SLC9A2: variants seen among roughly 807,000 people sequenced by gnomAD.
SLC9A2 encodes the protein sodium/hydrogen exchanger 2.
SLC9A2 carries 42 observed loss-of-function variants against 71.7 expected under a neutral mutation model. The observed-to-expected ratio is 0.59, with a 90% CI of 0.46 to 0.76. SLC9A2 has a LOEUF of 0.76. Ranked by LOEUF, SLC9A2 falls within the 30% of genes least tolerant of loss-of-function variation. The pLI is 0.00. For missense variants in SLC9A2, 829 were observed against 1,017.4 expected (o/e 0.81, Z 2.52); for synonymous variants, 396 against 392.5 (o/e 1.01, Z -0.10).
rs1677714631 is a variant in SLC9A2 at position 102,694,424 on chromosome 2, T to G, written c.1436T>G (p.Ile479Ser). The change falls in exon 6 of 12, where the codon ATT becomes AGT. Residue 479 changes from isoleucine (I) to serine (S), a missense_variant. Around this residue, in one of 3 missense-constraint regions of SLC9A2, gnomAD observed 500 missense variants for 726.3 expected, o/e 0.69. Coordinates refer to ENST00000233969, the MANE Select transcript of SLC9A2 (RefSeq NM_003048.6). ...GTGTTTCCTGTTCAGGGAATAACTA[T>G]TCGACCACTGGTGGAGTTTCTTGAT... is the stretch of plus-strand genomic sequence containing the variant. ...FFTVFILGIT[I>S]RPLVEFLDVK... The G allele has an allele frequency of 6.7e-7, 1 of 1,491,450 alleles. No individual in the cohort carries two copies. Among genetic ancestry groups the G allele is most frequent in the South Asian group, 1.4e-5 (1 of 69,502 alleles). The allele number at this position is 1,491,450 out of a possible 1,614,324, so 92.4% of individuals were successfully genotyped here.
intron 7 of SLC9A2, among the ~76,000 whole-genome samples, chr2:102,699,891 C>A (rs1337806344): frequency 6.6e-6 from 1 of 152,064 alleles, no homozygotes; most frequent in Non-Finnish European, 1.5e-5. Context: ...GTTTTGGAAT[C>A]CAAACCTCTT....
At chr2:102,675,366 G>T (rs1197105445) in intron 3 of SLC9A2, among the ~76,000 whole-genome samples, 1 of 152,178 alleles carries the variant, frequency 6.6e-6, no homozygotes, top group Non-Finnish European at 1.5e-5. Context: ...GCAGGTGGGA[G>T]CCTTTGGAAT....
intron 11 of SLC9A2, among the ~76,000 whole-genome samples, chr2:102,707,464 G>C (rs1678004079): frequency 6.6e-6 from 1 of 152,098 alleles, no homozygotes; most frequent in Non-Finnish European, 1.5e-5. Flanking sequence ...CATGTTCTCA[G>C]TTCCCAAGAA....
chr2:102,652,846 C>A (rs191011356), intron 1 of SLC9A2, among the ~76,000 whole-genome samples: 2 of 152,092 alleles, frequency 1.3e-5, no homozygotes, highest in East Asian at 1.9e-4. Flanking sequence ...TGATATATTT[C>A]TTGATAATAT....
chr2:102,665,079 G>C (rs759818659), intron 2 of SLC9A2, 21 bp from the exon 3 acceptor site: 1 of 1,587,038 alleles, frequency 6.3e-7, no homozygotes, highest in Non-Finnish European at 8.6e-7. Flanking sequence ...TCTTGACAAG[G>C]TGTTTTTTTT....
At chr2:102,678,859 A>T (rs1677393047) in intron 3 of SLC9A2, among the ~76,000 whole-genome samples, 1 of 152,196 alleles carries the variant, frequency 6.6e-6, no homozygotes. Flanking sequence ...AGATGGTTTC[A>T]TTCTTTCTAT....
intron 1 of SLC9A2, among the ~76,000 whole-genome samples, chr2:102,630,685 C>G (rs1481647970): frequency 6.6e-6 from 1 of 151,832 alleles, no homozygotes; most frequent in Non-Finnish European, 1.5e-5. Flanking sequence ...CAGTGCATTT[C>G]TAATCTGTGC....
chr2:102,674,009 G>A (rs1487712442), intron 3 of SLC9A2, among the ~76,000 whole-genome samples: 6 of 152,076 alleles, frequency 3.9e-5, no homozygotes, highest in African/African-American at 1.4e-4. Context: ...GGCTGGTCTC[G>A]AACTCCTGAC....
At chr2:102,695,445 C>A (rs1205068081) in intron 7 of SLC9A2, among the ~76,000 whole-genome samples, 1 of 152,082 alleles carries the variant, frequency 6.6e-6, no homozygotes, top group Non-Finnish European at 1.5e-5. Context: ...TCTTGAACCA[C>A]AATGGCTGCA....
At chr2:102,703,278 G>A (rs969145742) in intron 9 of SLC9A2, among the ~76,000 whole-genome samples, 1 of 152,068 alleles carries the variant, frequency 6.6e-6, no homozygotes, top group Non-Finnish European at 1.5e-5. Context: ...TAAACTATTC[G>A]TTGAAAATTT....
At chr2:102,669,764 G>GA (rs1200865140) in intron 3 of SLC9A2, among the ~76,000 whole-genome samples, 1 of 152,164 alleles carries the variant, frequency 6.6e-6, no homozygotes, top group Non-Finnish European at 1.5e-5. Flanking sequence ...CTAACAGTTG[G>GA]ATAAATTGAT....
At chr2:102,632,346 CAA>C (rs1159788671) in intron 1 of SLC9A2, among the ~76,000 whole-genome samples, 1 of 148,304 alleles carries the variant, frequency 6.7e-6, no homozygotes, top group Non-Finnish European at 1.5e-5. Context: ...ACTTTTACAG[CAA>C]AAGAGACTTA....
rs146306086 is a variant in SLC9A2, at chr2:102,702,450, C to T, written c.1793C>T (p.Thr598Ile). Residue 598 changes from threonine (T) to isoleucine (I), a missense_variant, in exon 9 of 12, where the codon ACT becomes ATT. Thr to Ile is a moderately conservative substitution (Grantham distance 89, BLOSUM62 -1). Around this residue, in one of 3 missense-constraint regions of SLC9A2, gnomAD observed 500 missense variants for 726.3 expected, o/e 0.69. Coordinates refer to ENST00000233969, the MANE Select transcript of SLC9A2 (RefSeq NM_003048.6). ...EKIRKVTSSETDEIRELLSRN... is the reference protein window; with the variant it reads ...EKIRKVTSSEIDEIRELLSRN... ...ATAAGGAAGGTCACGTCCAGTGAAA[C>T]TGATGAAATTCGAGAACTCTTATCA... 1.2e-5 allele frequency: 20 copies of T among 1,603,550 alleles called. No homozygotes were observed. Among genetic ancestry groups the T allele is most frequent in the Non-Finnish European group, 1.7e-5 (20 of 1,176,046 alleles).
intron 1 of SLC9A2, among the ~76,000 whole-genome samples, chr2:102,639,565 G>A (rs759730231): frequency 1.2e-4 from 18 of 152,196 alleles, no homozygotes; most frequent in African/African-American, 1.7e-4. Flanking sequence ...TGCTTATGCA[G>A]TCACAGCAAT....
chr2:102,673,387 T>C (rs1677291220), intron 3 of SLC9A2, among the ~76,000 whole-genome samples: 1 of 147,706 alleles, frequency 6.8e-6, no homozygotes. Context: ...TTGCTTTTTT[T>C]GTTATTAAGA....
At chr2:102,628,442 A>G (rs1242382686) in intron 1 of SLC9A2, among the ~76,000 whole-genome samples, 1 of 152,164 alleles carries the variant, frequency 6.6e-6, no homozygotes, top group African/African-American at 2.4e-5. Context: ...TTCATGAACT[A>G]AAATAGGATT....
At chr2:102,650,811 G>A (rs1050626773) in intron 1 of SLC9A2, among the ~76,000 whole-genome samples, 5 of 152,194 alleles carry the variant, frequency 3.3e-5, no homozygotes, top group African/African-American at 1.2e-4. Context: ...GTGTGGGGGA[G>A]TGTGGCATCA....
At chr2:102,665,450 A>C in intron 3 of SLC9A2, 100 bp downstream of exon 3, 1 of 1,247,824 alleles carries the variant, frequency 8.0e-7, no homozygotes, top group Non-Finnish European at 1.1e-6. Flanking sequence ...ATGAAACACT[A>C]GGTTTTCTTA....
intron 3 of SLC9A2, among the ~76,000 whole-genome samples, chr2:102,669,828 A>G (rs1677211031): frequency 6.6e-6 from 1 of 152,040 alleles, no homozygotes; most frequent in South Asian, 2.1e-4. Flanking sequence ...TTTGTTATCC[A>G]CTTTTGGACT....
Sources: allele counts gnomAD v4.1 joint callset (sites outside exome capture counted in the v4.1 genomes callset), GRCh38; gene constraint gnomAD v4.1.1; regional missense constraint gnomAD v4.1.1; transcripts MANE v1.5; gene names NCBI Gene and HGNC (gene_info 2026-07-23, HGNC 2026-07-21).